MXD4: variants seen among roughly 807,000 people sequenced by gnomAD.
The protein encoded by MXD4 is Mad4 homolog.
A neutral mutation model predicts 24.5 loss-of-function variants in MXD4; 16 were observed. The ratio of observed to expected loss-of-function variants is 0.65; its 90% CI spans 0.44 to 0.99. MXD4 has a LOEUF of 0.99. Among genes scored for constraint, MXD4 ranks in the 50% least tolerant of loss-of-function variants. The pLI is 0.00. For missense variants in MXD4, 301 were observed against 301.5 expected (o/e 1.00, Z 0.01); for synonymous variants, 164 against 134.2 (o/e 1.22, Z -1.54).
rs1173144139 is a variant in MXD4 at position 2,250,588 on chromosome 4, A to C, written c.586T>G (p.Phe196Val). 1 of 1,610,292 alleles carries C rather than the reference A, an allele frequency of 6.2e-7. No individual in the cohort carries two copies. Among genetic ancestry groups the C allele is most frequent in the South Asian group, 1.1e-5 (1 of 90,658 alleles). ...LQSGTGGDSG[F>V]GPHCRRLGRP... ...CCCAGCCGCCGGCAGTGGGGCCCGA[A>C]GCCACTGTCGCCGCCGGTGCCACTC... Residue 196 changes from phenylalanine (F) to valine (V), a missense_variant, in exon 6 of 6, where the codon TTC (phenylalanine) becomes GTC (valine). Phe to Val is a conservative substitution (Grantham distance 50, BLOSUM62 -1). Coordinates refer to ENST00000337190, the MANE Select transcript of MXD4 (RefSeq NM_006454.3).
intron 2 of MXD4, chr4:2,259,070 G>T (rs554765720): frequency 2.3e-6 from 1 of 426,216 alleles, no homozygotes; most frequent in South Asian, 1.6e-5. Flanking sequence ...GCACAGGTGG[G>T]CAGAGAGCTC....
chr4:2,260,838 T>C (rs1178958800), intron 2 of MXD4, among the ~76,000 whole-genome samples: 3 of 152,192 alleles, frequency 2.0e-5, no homozygotes, highest in Non-Finnish European at 4.4e-5. Flanking sequence ...ACAAAAGGGC[T>C]GGGCCAAGGT....
intron 3 of MXD4, chr4:2,253,640 T>C (rs1310585286): frequency 1.3e-5 from 2 of 152,326 alleles, no homozygotes; most frequent in East Asian, 1.9e-4. Flanking sequence ...AGCCTTGGCA[T>C]GTCTGCTCCT....
At chr4:2,251,286 G>C in intron 4 of MXD4, 40 bp from the exon 5 acceptor site, 1 of 1,529,898 alleles carries the variant, frequency 6.5e-7, no homozygotes. Flanking sequence ...GCGGGAAGAG[G>C]AGTCCCCCCA....
Position 2,250,457 on chromosome 4 carries a change from G to A in MXD4, c.*87C>T. On this transcript the variant is annotated 3_prime_UTR_variant, in exon 6 of 6. Coordinates refer to ENST00000337190, the MANE Select transcript of MXD4 (RefSeq NM_006454.3). ...CAGAATGGCACAGCAGTGGGCCTGT[G>A]GAGAGGCTGGCGTCAACTGAAGGAG... 1 of 1,415,036 alleles carries A rather than the reference G, an allele frequency of 7.1e-7. No individual in the cohort carries two copies. Among genetic ancestry groups the A allele is most frequent in the Non-Finnish European group, 9.4e-7 (1 of 1,065,932 alleles). 87.7% of individuals were successfully genotyped at this position (1,415,036 alleles called of 1,614,324 possible). A position where few individuals can be genotyped will look rare whatever the true frequency, so the allele number is the denominator to read the frequency against.
chr4:2,255,907 T>C (rs576952563), intron 3 of MXD4, among the ~76,000 whole-genome samples: 4 of 152,142 alleles, frequency 2.6e-5, no homozygotes, highest in Admixed American at 1.3e-4. Context: ...GCCGGGGAGC[T>C]GGGGGTGGCC....
In MXD4 at chr4:2,251,067, C is replaced by T. The variant is rs748488351; in HGVS notation, c.472+17G>A. Reference sequence around the variant, plus strand: ...CCCGGAGGCCCAGGTGAGGCTGCCCCGCGCCCCACGCCCCACCTTGCTCTG... The same window carrying T: ...CCCGGAGGCCCAGGTGAGGCTGCCCTGCGCCCCACGCCCCACCTTGCTCTG... On this transcript the variant is annotated intron_variant, in intron 5 of 5. Coordinates refer to ENST00000337190, the MANE Select transcript of MXD4 (RefSeq NM_006454.3). The T allele has an allele frequency of 9.7e-6, 15 of 1,545,438 alleles. No individual in the cohort carries two copies. The highest frequency in any genetic ancestry group is 4.8e-5 in the South Asian group (4 of 83,994).
intron 2 of MXD4, chr4:2,258,783 G>A (rs1006823124): frequency 2.5e-6 from 1 of 406,666 alleles, no homozygotes; most frequent in Middle Eastern, 5.6e-4. Context: ...GGACACTGAG[G>A]CCAGCCCTCC....
At chr4:2,252,146 T>C (rs559669481) in intron 4 of MXD4, among the ~76,000 whole-genome samples, 212 of 152,256 alleles carry the variant, frequency 1.4e-3, no homozygotes, top group African/African-American at 4.9e-3. Context: ...TATGCTGCGA[T>C]GCGGCTTCTT....
rs772082970 is a variant in MXD4, at chr4:2,251,227, C to T, written c.329G>A (p.Arg110His). ...CTGCTCCTTGATGCTCAGTGCCCGG[C>T]GGTCCTGCTCCTCCAGTTTCTGGGG... ...VHIKKLEEQD[R>H]RALSIKEQLQ... Residue 110 changes from arginine to histidine, a missense_variant, in exon 5 of 6, where the codon CGC (arginine) becomes CAC (histidine). Coordinates refer to ENST00000337190, the MANE Select transcript of MXD4 (RefSeq NM_006454.3). 4.4e-6 allele frequency: 7 copies of T among 1,601,336 alleles called. No homozygotes were observed. The highest frequency in any genetic ancestry group is 4.5e-5 in the East Asian group (2 of 44,538).
chr4:2,258,264 T>C (rs989477435), intron 2 of MXD4, among the ~76,000 whole-genome samples: 1 of 152,152 alleles, frequency 6.6e-6, no homozygotes, highest in Non-Finnish European at 1.5e-5. Flanking sequence ...GCTCACGCCC[T>C]GGAGTTCTCC....
In MXD4 at chr4:2,261,827, G is replaced by A; in HGVS notation, c.65-3C>T. ...CGAGGCGTAGCCGTGCTCGGCCTCT[G>A]CGGACACACGGCGCGGTCAGCGGCC... On this transcript the variant is annotated splice_region_variant and splice_polypyrimidine_tract_variant and intron_variant, in intron 1 of 5. Coordinates refer to ENST00000337190, the MANE Select transcript of MXD4 (RefSeq NM_006454.3). 7.3e-7 allele frequency: 1 copy of A among 1,379,152 alleles called. No individual in the cohort carries two copies. The highest frequency in any genetic ancestry group is 9.4e-7 in the Non-Finnish European group (1 of 1,063,280). The allele number at this position is 1,379,152 out of a possible 1,614,324, so 85.4% of individuals were successfully genotyped here.
At chr4:2,255,033 A>G in intron 3 of MXD4, 1 of 349,860 alleles carries the variant, frequency 2.9e-6, no homozygotes, top group Non-Finnish European at 5.6e-6. Context: ...ACTGTCCGGA[A>G]GTCCCTGTGT....
In MXD4 at chr4:2,251,096, C is replaced by T; in HGVS notation, c.460G>A (p.Asp154Asn). The T allele has an allele frequency of 6.3e-7, 1 of 1,575,868 alleles. No individual in the cohort carries two copies. The highest frequency in any genetic ancestry group is 1.1e-5 in the South Asian group (1 of 87,874). The change falls in exon 5 of 6, where the codon GAC becomes AAC. Residue 154 changes from aspartate (D) to asparagine (N), a missense_variant. By Grantham distance (23) the Asp-to-Asn change is conservative. Coordinates refer to ENST00000337190, the MANE Select transcript of MXD4 (RefSeq NM_006454.3). ...CCCCACGCCCCACCTTGCTCTGAGT[C>T]GTCCGTGGAGACAGCAGAGCCCGTG... ...DSTGSAVSTD[D>N]SEQEVDIEGM...
In MXD4 at chr4:2,261,744, G is replaced by C; in HGVS notation, c.145C>G (p.Arg49Gly). 7.1e-7 allele frequency: 1 copy of C among 1,416,956 alleles called. No individual in the cohort carries two copies. 87.8% of individuals were successfully genotyped at this position (1,416,956 alleles called of 1,614,324 possible). The part of the protein sequence containing the change: ...REKTKAAGLV[R>G]KAPNNRSSHN... The stretch of plus-strand genomic sequence containing the variant: ...CGGTACCTGTTGTTCGGGGCCTTGC[G>C]CACCAGGCCGGCCGCCTTTGTTTTC... Residue 49 changes from arginine (R) to glycine (G), a missense_variant, in exon 2 of 6, where the codon CGC becomes GGC. Physicochemically the swap from Arg to Gly is moderately radical, Grantham distance 125. Coordinates refer to ENST00000337190, the MANE Select transcript of MXD4 (RefSeq NM_006454.3).
Position 2,250,253 on chromosome 4 carries a change from G to A in MXD4, c.*291C>T, listed in dbSNP as rs1735289221. ...TGCAGCAATGACGTTTAATACTTCTGGAATGATTAGGAATCTGAGAACAGA... is the reference window on the plus strand; with the variant it reads ...TGCAGCAATGACGTTTAATACTTCTAGAATGATTAGGAATCTGAGAACAGA... On this transcript the variant is annotated 3_prime_UTR_variant, in exon 6 of 6. Transcript: ENST00000337190. 1 of 489,908 alleles carries A rather than the reference G, an allele frequency of 2.0e-6. No homozygotes were observed. The highest frequency in any genetic ancestry group is 3.3e-5 in the East Asian group (1 of 29,852). 30.3% of individuals were successfully genotyped at this position (489,908 alleles called of 1,614,324 possible). A position where few individuals can be genotyped will look rare whatever the true frequency, so the allele number is the denominator to read the frequency against.
At chr4:2,256,408 G>C (rs1015638991) in intron 3 of MXD4, among the ~76,000 whole-genome samples, 3 of 152,346 alleles carry the variant, frequency 2.0e-5, no homozygotes, top group African/African-American at 7.2e-5. Context: ...CGGGCAAAGC[G>C]ATGTCCAGGG....
At chr4:2,251,028 T>C (rs1384241941) in intron 5 of MXD4, 56 bp downstream of exon 5, 8 of 1,476,494 alleles carry the variant, frequency 5.4e-6, no homozygotes, top group Non-Finnish European at 7.2e-6. Flanking sequence ...CCCAGGGAGC[T>C]GCACCACTGC....
At chr4:2,259,455 T>C (rs775098109) in intron 2 of MXD4, among the ~76,000 whole-genome samples, 2 of 152,230 alleles carry the variant, frequency 1.3e-5, no homozygotes, top group Non-Finnish European at 2.9e-5. Context: ...CGCCAGCGTT[T>C]CTGCTTCCCC....
Sources: allele counts gnomAD v4.1 joint callset (sites outside exome capture counted in the v4.1 genomes callset), GRCh38; gene constraint gnomAD v4.1.1; transcripts MANE v1.5; gene names NCBI Gene and HGNC (gene_info 2026-07-23, HGNC 2026-07-21).